The following ACSS3 variants were observed in gnomAD, a reference collection of about 807,000 sequenced individuals.
The protein encoded by ACSS3 is acyl-CoA synthetase short chain family member 3.
A neutral mutation model predicts 84.2 loss-of-function variants in ACSS3; 64 were observed. That is an observed-to-expected ratio of 0.76 (90% CI 0.62 to 0.94). The LOEUF (loss-of-function observed/expected upper bound fraction) is 0.94. Ranked by LOEUF, ACSS3 falls within the 40% of genes least tolerant of loss-of-function variation. ACSS3 has a pLI of 0.00. For synonymous variants in ACSS3, 317 were observed against 310.1 expected, an observed-to-expected ratio of 1.02 and a Z score of -0.23; for missense variants, 815 against 867.6, an observed-to-expected ratio of 0.94 and a Z score of 0.76.
In ACSS3 at chr12:81,152,110, G is replaced by A. The variant is rs781721197; in HGVS notation, c.1098+14G>A. The A allele has an allele frequency of 6.3e-7, 1 of 1,574,828 alleles. No homozygotes were observed. The highest frequency in any genetic ancestry group is 8.7e-7 in the Non-Finnish European group (1 of 1,148,846). On this transcript the variant is annotated intron_variant, in intron 7 of 15. Transcript: ENST00000548058. ...GTTTTATATGAGGTAATAAAGTAAA[G>A]TTAATACCACATATAAATGATATTT...
At chr12:81,152,397 A>G (rs2135756001) in intron 7 of ACSS3, among the ~76,000 whole-genome samples, 1 of 152,328 alleles carries the variant, frequency 6.6e-6, no homozygotes, top group Non-Finnish European at 1.5e-5. Context: ...AGAGTCCTAG[A>G]AAATAGTTAT....
chr12:81,173,517 T>TA (rs983681214), intron 7 of ACSS3, among the ~76,000 whole-genome samples: 1 of 151,524 alleles, frequency 6.6e-6, no homozygotes, highest in African/African-American at 2.4e-5. Flanking sequence ...TTAAAAATAA[T>TA]AAAAAAATAG....
At chr12:81,178,173 A>G (rs12820877) in intron 8 of ACSS3, among the ~76,000 whole-genome samples, 67,584 of 148,478 alleles carry the variant, frequency 0.46, 15,899 homozygotes, top group Middle Eastern at 0.52. Flanking sequence ...AGGGACATGG[A>G]TGAAATTGGA....
chr12:81,144,335 A>G (rs1886225810), intron 5 of ACSS3, among the ~76,000 whole-genome samples: 1 of 152,218 alleles, frequency 6.6e-6, no homozygotes, highest in South Asian at 2.1e-4. Flanking sequence ...ACGTAGATGC[A>G]TGCACATGAA....
In ACSS3 at chr12:81,078,408, C is replaced by T; in HGVS notation, c.288C>T (p.Asn96=). The T allele has an allele frequency of 6.2e-7, 1 of 1,612,680 alleles. No homozygotes were observed. Among genetic ancestry groups the T allele is most frequent in the Non-Finnish European group, 8.5e-7 (1 of 1,179,992 alleles). Reference sequence around the variant, plus strand: ...AGCCCTGGACCAAAACGCTGGAGAACAAACACTCGCCCTCTACCAGGTGGT... The same window carrying T: ...AGCCCTGGACCAAAACGCTGGAGAATAAACACTCGCCCTCTACCAGGTGGT... ...WYKPWTKTLE[N]KHSPSTRWFV... Residue 96 remains asparagine, a synonymous_variant, in exon 1 of 16, where the codon AAC becomes AAT. Transcript: ENST00000548058.
intron 8 of ACSS3, among the ~76,000 whole-genome samples, chr12:81,191,113 GCCTCC>G (rs1466761423): frequency 6.6e-6 from 1 of 151,842 alleles, no homozygotes; most frequent in African/African-American, 2.4e-5. Flanking sequence ...TACATGCACA[GCCTCC>G]CCTACTATGA....
intron 15 of ACSS3, 70 bp from the exon 16 acceptor site, chr12:81,254,786 AT>A (rs1489625322): frequency 2.8e-5 from 35 of 1,236,228 alleles, no homozygotes; most frequent in Non-Finnish European, 3.8e-5. Flanking sequence ...ATTGCATATA[AT>A]TGTTTAATTA....
chr12:81,128,733 G>A (rs1885282508), intron 2 of ACSS3, among the ~76,000 whole-genome samples: 1 of 152,094 alleles, frequency 6.6e-6, no homozygotes, highest in African/African-American at 2.4e-5. Context: ...TCTACACTCA[G>A]ACATTTATGG....
chr12:81,112,354 G>A (rs1883673426), intron 2 of ACSS3, among the ~76,000 whole-genome samples: 1 of 152,166 alleles, frequency 6.6e-6, no homozygotes, highest in Non-Finnish European at 1.5e-5. Context: ...AAGCTTTAGA[G>A]AAACCTAAAA....
chr12:81,222,564 T>C (rs905113194), intron 11 of ACSS3, among the ~76,000 whole-genome samples: 5 of 152,160 alleles, frequency 3.3e-5, no homozygotes, highest in African/African-American at 9.6e-5. Context: ...TTAACATCTA[T>C]AACATTTCAC....
At chr12:81,250,934 A>C (rs921375717) in intron 13 of ACSS3, among the ~76,000 whole-genome samples, 5 of 152,146 alleles carry the variant, frequency 3.3e-5, no homozygotes, top group Non-Finnish European at 7.4e-5. Context: ...CTGGCAGTAA[A>C]AGTTGTCTCT....
Position 81,259,725 on chromosome 12 carries a change from T to C in ACSS3, c.*4803T>C. On this transcript the variant is annotated 3_prime_UTR_variant, in exon 16 of 16. Coordinates refer to ENST00000548058, the MANE Select transcript of ACSS3 (RefSeq NM_024560.4). ...CCCAGACTGGGAAATCTCATTCTAC[T>C]CCTCTGTGGTGTACCTCCACGCAGC... The C allele has an allele frequency of 7.1e-7, 1 of 1,412,832 alleles. No homozygotes were observed. Among genetic ancestry groups the C allele is most frequent in the South Asian group, 1.2e-5 (1 of 80,942 alleles). The allele number at this position is 1,412,832 out of a possible 1,614,324, so 87.5% of individuals were successfully genotyped here.
Position 81,254,889 on chromosome 12 carries a change from T to C in ACSS3, c.2028T>C (p.Phe676=). ...CTACAATTGAAGACCCCAGCATTTT[T>C]GGCCACGTAGAAGAAATGCTGAAGC... ...ITSTIEDPSI[F]GHVEEMLKQA The change falls in exon 16 of 16, where the codon TTT becomes TTC. Residue 676 remains phenylalanine, a synonymous_variant. Coordinates refer to ENST00000548058, the MANE Select transcript of ACSS3 (RefSeq NM_024560.4). The C allele has an allele frequency of 1.2e-6, 2 of 1,609,622 alleles. No homozygotes were observed. The highest frequency in any genetic ancestry group is 1.7e-6 in the Non-Finnish European group (2 of 1,177,940).
intron 2 of ACSS3, among the ~76,000 whole-genome samples, chr12:81,130,644 T>A (rs1681999289): frequency 6.6e-6 from 1 of 152,172 alleles, no homozygotes; most frequent in Non-Finnish European, 1.5e-5. Flanking sequence ...AGATCCCATT[T>A]GTCTATTTTG....
chr12:81,202,658 C>T (rs916144452), intron 9 of ACSS3, among the ~76,000 whole-genome samples: 1 of 152,058 alleles, frequency 6.6e-6, no homozygotes, highest in Non-Finnish European at 1.5e-5. Context: ...CTTTTATGAG[C>T]CTTTCATATA....
intron 1 of ACSS3, among the ~76,000 whole-genome samples, chr12:81,094,083 C>CT (rs1238538439): frequency 6.6e-6 from 1 of 151,542 alleles, no homozygotes; most frequent in African/African-American, 2.4e-5. Flanking sequence ...GATGGTTTCT[C>CT]TTTATTTGCT....
At chr12:81,203,121 T>C (rs1345782209) in intron 9 of ACSS3, among the ~76,000 whole-genome samples, 2 of 152,098 alleles carry the variant, frequency 1.3e-5, no homozygotes, top group Non-Finnish European at 2.9e-5. Context: ...GCTTGAGAAC[T>C]CAGGGGGCCA....
chr12:81,219,360 G>A (rs1366296353), intron 10 of ACSS3, among the ~76,000 whole-genome samples: 2 of 152,038 alleles, frequency 1.3e-5, no homozygotes, highest in Non-Finnish European at 2.9e-5. Flanking sequence ...TCTGCTTAAG[G>A]TAGAATTACC....
At chr12:81,178,475 T>TAA (rs71098126) in intron 8 of ACSS3, among the ~76,000 whole-genome samples, 54 of 150,370 alleles carry the variant, frequency 3.6e-4, no homozygotes, top group African/African-American at 9.1e-4. Context: ...AATAATAAAA[T>TAA]AAAAAAAAAC....
Sources: allele counts gnomAD v4.1 joint callset (sites outside exome capture counted in the v4.1 genomes callset), GRCh38; gene constraint gnomAD v4.1.1; transcripts MANE v1.5; gene names NCBI Gene and HGNC (gene_info 2026-07-23, HGNC 2026-07-21).